MBTD1: variants seen among roughly 807,000 people sequenced by gnomAD.
The protein encoded by MBTD1 is MBT domain-containing protein 1.
A neutral mutation model predicts 87.8 loss-of-function variants in MBTD1; 24 were observed. The observed-to-expected ratio is 0.27, with a 90% CI of 0.20 to 0.38. The LOEUF is 0.38. MBTD1 is among the 10% of genes least tolerant of loss of function. The pLI is 1.00. For missense variants in MBTD1, 436 were observed against 760.2 expected (o/e 0.57, Z 5.02); for synonymous variants, 237 against 248.6 (o/e 0.95, Z 0.44).
At chr17:51,201,751 T>C in intron 11 of MBTD1, 55 bp from the exon 12 acceptor site, 1 of 1,182,968 alleles carries the variant, frequency 8.5e-7, no homozygotes. Context: ...ATTTTGATAA[T>C]TAAAATATTA....
At chr17:51,200,997 A>G (rs944812817) in intron 12 of MBTD1, among the ~76,000 whole-genome samples, 2 of 152,070 alleles carry the variant, frequency 1.3e-5, no homozygotes, top group African/African-American at 4.8e-5. Context: ...AAATAAAAAT[A>G]AGAAAATTAG....
chr17:51,259,751 G>T (rs1023911742), intron 1 of MBTD1, 84 bp downstream of exon 1: 11 of 1,193,056 alleles, frequency 9.2e-6, no homozygotes, highest in Admixed American at 8.5e-5. Flanking sequence ...GCGGGGTCAG[G>T]GAGCTGCGGG....
rs900730760 is a variant in MBTD1 at position 51,179,900 on chromosome 17, A to AT, written c.*675dup. ...CTTTAGTGTTAGGATAATTCTAATC[A>AT]TTTTTTTAATTAAAAGAGAACATAT... On this transcript the variant is annotated 3_prime_UTR_variant, in exon 17 of 17. Transcript: ENST00000586178. The AT allele has an allele frequency of 1.3e-5, 2 of 152,238 alleles. No individual in the cohort carries two copies. The highest frequency in any genetic ancestry group is 2.9e-5 in the Non-Finnish European group (2 of 68,010). The allele number at this position is 152,238 out of a possible 1,614,324, so 9.4% of individuals were successfully genotyped here.
chr17:51,244,655 C>T (rs1478375336), intron 2 of MBTD1, among the ~76,000 whole-genome samples: 1 of 152,134 alleles, frequency 6.6e-6, no homozygotes, highest in East Asian at 1.9e-4. Context: ...TGATCTGCCC[C>T]ACTGAGCCTC....
chr17:51,182,561 C>A (rs1348406865), intron 16 of MBTD1, among the ~76,000 whole-genome samples: 1 of 152,198 alleles, frequency 6.6e-6, no homozygotes, highest in Admixed American at 6.5e-5. Flanking sequence ...TCAATGGGAA[C>A]TGACTGGCTA....
chr17:51,188,143 C>T (rs1037934824), intron 16 of MBTD1, among the ~76,000 whole-genome samples: 6 of 152,110 alleles, frequency 3.9e-5, no homozygotes, highest in East Asian at 1.9e-4. Context: ...CAGATAAAAA[C>T]GCAAGGAGCA....
At position 51,179,521 on chromosome 17, in the gene MBTD1, T is replaced by A. The variant is rs1205700279; in HGVS notation, c.*1055A>T. ...ATATATATATATATATATATATATA[T>A]ATATATATATATATATGGAATTTTA... On this transcript the variant is annotated 3_prime_UTR_variant, in exon 17 of 17. Coordinates refer to ENST00000586178, the MANE Select transcript of MBTD1 (RefSeq NM_017643.3). 3.0e-3 allele frequency: 322 copies of A among 107,138 alleles called. 13 individuals are homozygous for A. The highest frequency in any genetic ancestry group is 5.0e-3 in the Non-Finnish European group (255 of 50,992). 6.6% of individuals were successfully genotyped at this position (107,138 alleles called of 1,614,324 possible). A position where few individuals can be genotyped will look rare whatever the true frequency, so the allele number is the denominator to read the frequency against.
chr17:51,260,755 G>A (rs548290009), upstream of MBTD1: 16 of 1,582,008 alleles, frequency 1.0e-5, no homozygotes, highest in Admixed American at 3.0e-4. Context: ...CGAGCGCGGC[G>A]GCCGCTGCGA....
At chr17:51,251,925 T>C (rs551692040) in intron 2 of MBTD1, among the ~76,000 whole-genome samples, 26 of 152,178 alleles carry the variant, frequency 1.7e-4, no homozygotes, top group African/African-American at 5.8e-4. Flanking sequence ...CCACAACACC[T>C]GGGTAATTTT....
chr17:51,235,200 A>G (rs2053765468), intron 2 of MBTD1, among the ~76,000 whole-genome samples: 2 of 151,916 alleles, frequency 1.3e-5, no homozygotes, highest in South Asian at 4.1e-4. Context: ...CAGCGGTGAC[A>G]TCTTGGCTTA....
At chr17:51,237,405 C>A (rs1333135964) in intron 2 of MBTD1, among the ~76,000 whole-genome samples, 3 of 151,458 alleles carry the variant, frequency 2.0e-5, no homozygotes, top group African/African-American at 7.3e-5. Context: ...AAGACAAGCA[C>A]AGACTGGGAA....
intron 3 of MBTD1, among the ~76,000 whole-genome samples, chr17:51,221,567 T>A (rs537187957): frequency 1.2e-3 from 183 of 152,366 alleles, no homozygotes; most frequent in African/African-American, 4.3e-3. Flanking sequence ...GTGTAACTGG[T>A]ACGGTTGGCT....
chr17:51,192,154 A>G, intron 16 of MBTD1, 49 bp downstream of exon 16: 1 of 1,246,776 alleles, frequency 8.0e-7, no homozygotes, highest in Non-Finnish European at 1.1e-6. Context: ...CTGTGACTCC[A>G]ATTAGTTAAC....
intron 6 of MBTD1, among the ~76,000 whole-genome samples, chr17:51,216,003 C>A (rs766158835): frequency 1.4e-5 from 2 of 145,686 alleles, no homozygotes; most frequent in Non-Finnish European, 3.0e-5. Flanking sequence ...GTAATCTCAG[C>A]TCACTGCAAC....
At chr17:51,183,974 T>TA (rs869227409) in intron 16 of MBTD1, 1 of 152,188 alleles carries the variant, frequency 6.6e-6, no homozygotes, top group East Asian at 1.9e-4. Context: ...GGATGTTTTT[T>TA]AAAAAAATGT....
intron 2 of MBTD1, among the ~76,000 whole-genome samples, chr17:51,240,916 C>G (rs552811162): frequency 1.8e-4 from 28 of 152,182 alleles, no homozygotes; most frequent in African/African-American, 6.7e-4. Flanking sequence ...CTAATTGATG[C>G]TATAATTTTC....
intron 6 of MBTD1, among the ~76,000 whole-genome samples, chr17:51,207,557 G>T (rs977692857): frequency 1.3e-5 from 2 of 152,170 alleles, no homozygotes; most frequent in African/African-American, 2.4e-5. Context: ...TGGAGTTGAA[G>T]AGTTTTGGAG....
intron 2 of MBTD1, among the ~76,000 whole-genome samples, chr17:51,233,859 A>T (rs774312007): frequency 6.6e-6 from 1 of 152,168 alleles, no homozygotes; most frequent in Non-Finnish European, 1.5e-5. Flanking sequence ...GAATCAAAAT[A>T]TCAGTGGACT....
chr17:51,187,141 G>C (rs1014048557), intron 16 of MBTD1, among the ~76,000 whole-genome samples: 1 of 151,788 alleles, frequency 6.6e-6, no homozygotes, highest in Non-Finnish European at 1.5e-5. Context: ...AAATTTATCA[G>C]GCTGGGCATG....
Sources: gnomAD v4.1 joint callset for allele counts (sites outside exome capture counted in the v4.1 genomes callset) on GRCh38, gnomAD v4.1.1 for gene constraint, MANE v1.5 for transcripts, NCBI Gene and HGNC (gene_info 2026-07-23, HGNC 2026-07-21) for gene names.